The following CADM1 variants were observed in gnomAD, a reference collection of about 807,000 sequenced individuals.
CADM1 encodes the protein cell adhesion molecule 1, also known as TSLC-1.
Under a neutral mutation model 53.1 loss-of-function variants are expected in CADM1, and 15 were observed. The observed-to-expected ratio is 0.28, with a 90% confidence interval of 0.19 to 0.44. The LOEUF (loss-of-function observed/expected upper bound fraction) is 0.44, where lower values mean the gene tolerates loss of function less well. Ranked by LOEUF, CADM1 falls within the 20% of genes least tolerant of loss-of-function variation. The pLI is 1.00. For synonymous variants in CADM1, 281 were observed against 243.0 expected (o/e 1.16, Z -1.45); for missense variants, 434 against 611.3 (o/e 0.71, Z 3.06).
At chr11:115,316,927 A>G (rs1048846775) in intron 1 of CADM1, among the ~76,000 whole-genome samples, 1 of 152,216 alleles carries the variant, frequency 6.6e-6, no homozygotes. Context: ...GAGCAACTCA[A>G]TGTAAAACCA....
At chr11:115,437,181 A>G (rs561244951) in intron 1 of CADM1, among the ~76,000 whole-genome samples, 2 of 152,300 alleles carry the variant, frequency 1.3e-5, no homozygotes, top group South Asian at 4.1e-4. Context: ...ACTACAAAAG[A>G]TAGGGTAATG....
chr11:115,293,523 T>C (rs1013824085), intron 1 of CADM1, among the ~76,000 whole-genome samples: 1 of 152,220 alleles, frequency 6.6e-6, no homozygotes, highest in Non-Finnish European at 1.5e-5. Context: ...CCATCCCTTA[T>C]TCCACAGCAC....
At chr11:115,327,243 G>A (rs2135202785) in intron 1 of CADM1, among the ~76,000 whole-genome samples, 1 of 152,120 alleles carries the variant, frequency 6.6e-6, no homozygotes, top group South Asian at 2.1e-4. Context: ...CTTACTTGAG[G>A]TAATAAGCAA....
At chr11:115,296,254 A>G (rs973246133) in intron 1 of CADM1, among the ~76,000 whole-genome samples, 24 of 152,126 alleles carry the variant, frequency 1.6e-4, no homozygotes, top group Non-Finnish European at 3.4e-4. Context: ...CCTGGCCCAT[A>G]AAGACATTTT....
chr11:115,212,398 C>T (rs554093313), intron 7 of CADM1, among the ~76,000 whole-genome samples: 1 of 152,264 alleles, frequency 6.6e-6, no homozygotes, highest in African/African-American at 2.4e-5. Flanking sequence ...ATACCTTAGG[C>T]TAATATTCTA....
chr11:115,475,496 C>T lies in CADM1; in HGVS notation c.124+28775G>A, dbSNP rs188422513. 9.3e-4 allele frequency among the ~76,000 whole-genome samples: 141 copies of T among 152,218 alleles called. 1 individual carries two copies. The highest frequency in any genetic ancestry group is 1.5e-3 in the Non-Finnish European group (101 of 68,016). On this transcript the variant is annotated intron_variant, in intron 1 of 11. Transcript: ENST00000331581. ...AGATACATAGCCACATTACTCGTAT[C>T]GCCAAAAACTGTCAACAGCCTAAAT...
intron 1 of CADM1, among the ~76,000 whole-genome samples, chr11:115,329,948 CA>C (rs1945088481): frequency 6.6e-6 from 1 of 151,260 alleles, no homozygotes; most frequent in African/African-American, 2.4e-5. Context: ...CCTTCTCTAC[CA>C]CGTCACTGCT....
At chr11:115,293,719 T>C (rs1943970917) in intron 1 of CADM1, among the ~76,000 whole-genome samples, 1 of 152,214 alleles carries the variant, frequency 6.6e-6, no homozygotes, top group African/African-American at 2.4e-5. Flanking sequence ...TATTATTGGC[T>C]ATGATTAGTT....
At chr11:115,271,787 A>C (rs1476109238) in intron 1 of CADM1, among the ~76,000 whole-genome samples, 1 of 152,230 alleles carries the variant, frequency 6.6e-6, no homozygotes, top group Non-Finnish European at 1.5e-5. Context: ...TTCTTGGCTA[A>C]ATTTGAAAAA....
intron 1 of CADM1, among the ~76,000 whole-genome samples, chr11:115,432,372 T>C (rs545934638): frequency 1.3e-5 from 2 of 152,262 alleles, no homozygotes; most frequent in South Asian, 4.1e-4. Context: ...ATCTAGCACA[T>C]ACTAAATAAA....
At chr11:115,400,264 G>T (rs1381037059) in intron 1 of CADM1, among the ~76,000 whole-genome samples, 2 of 152,016 alleles carry the variant, frequency 1.3e-5, no homozygotes, top group African/African-American at 4.8e-5. Flanking sequence ...GGAAGAGGCA[G>T]GCACAACCAG....
chr11:115,204,856 G>A (rs369244793), intron 8 of CADM1, among the ~76,000 whole-genome samples: 2 of 152,126 alleles, frequency 1.3e-5, no homozygotes, highest in Non-Finnish European at 2.9e-5. Flanking sequence ...ATGTGGGCCT[G>A]GGGGTAGGAA....
intron 1 of CADM1, among the ~76,000 whole-genome samples, chr11:115,414,053 A>G (rs185776430): frequency 2.0e-3 from 298 of 152,260 alleles, no homozygotes; most frequent in Middle Eastern, 6.8e-3. Flanking sequence ...TACTGCTTAA[A>G]TAAGTATATA....
At chr11:115,444,407 G>A (rs1378374231) in intron 1 of CADM1, among the ~76,000 whole-genome samples, 1 of 152,158 alleles carries the variant, frequency 6.6e-6, no homozygotes, top group African/African-American at 2.4e-5. Context: ...GTATAATTGG[G>A]GATAAAAATT....
chr11:115,235,936 G>A (rs1020409334), intron 3 of CADM1, among the ~76,000 whole-genome samples: 42 of 152,114 alleles, frequency 2.8e-4, no homozygotes, highest in South Asian at 6.2e-4. Flanking sequence ...ACAAGTGGAA[G>A]GAATGAATGA....
rs150823431 is a variant in CADM1, at chr11:115,394,831, C to G, written c.124+109440G>C. Among the ~76,000 whole-genome samples, 879 of 151,660 alleles carry G rather than the reference C, an allele frequency of 5.8e-3. 5 individuals are homozygous for G. The highest frequency in any genetic ancestry group is 0.034 in the Middle Eastern group (10 of 292). On this transcript the variant is annotated intron_variant, in intron 1 of 11. Coordinates refer to ENST00000331581, the MANE Select transcript of CADM1 (RefSeq NM_001301043.2). ...GCAAAATTTCCTAAAATTTTGAAGC[C>G]AATTTTTTTAAAAAGTAGAAAATAA... is the stretch of plus-strand genomic sequence containing the variant.
intron 1 of CADM1, among the ~76,000 whole-genome samples, chr11:115,334,030 T>C (rs984231395): frequency 3.3e-5 from 5 of 152,190 alleles, no homozygotes; most frequent in African/African-American, 1.2e-4. Context: ...TCATTATGCA[T>C]GAGCCTGTTT....
chr11:115,211,566 G>A (rs768375773), intron 7 of CADM1, among the ~76,000 whole-genome samples: 4 of 134,390 alleles, frequency 3.0e-5, no homozygotes, highest in Admixed American at 8.8e-5. Context: ...TGCAATCTCC[G>A]CTTCCCGGGT....
At chr11:115,224,473 ATTC>A (rs1355837487) in intron 5 of CADM1, among the ~76,000 whole-genome samples, 1 of 152,126 alleles carries the variant, frequency 6.6e-6, no homozygotes, top group Admixed American at 6.6e-5. Context: ...CTTTGTTTTC[ATTC>A]TTCTTTTCAA....
Sources: gnomAD v4.1 joint callset for allele counts (sites outside exome capture counted in the v4.1 genomes callset) on GRCh38, gnomAD v4.1.1 for gene constraint, MANE v1.5 for transcripts, NCBI Gene and HGNC (gene_info 2026-07-23, HGNC 2026-07-21) for gene names.